TAF3: variants seen among roughly 807,000 people sequenced by gnomAD.
The protein encoded by TAF3 is TATA-box binding protein associated factor 3, also known as transcription initiation factor TFIID subunit 3.
A neutral mutation model predicts 80.6 loss-of-function variants in TAF3; 7 were observed. The ratio of observed to expected loss-of-function variants is 0.09; its 90% CI spans 0.05 to 0.16. The LOEUF (loss-of-function observed/expected upper bound fraction) is 0.16. Among genes scored for constraint, TAF3 ranks in the 10% least tolerant of loss-of-function variants. The probability of loss-of-function intolerance (pLI) is 1.00; values close to 1 mark genes in which losing one functional copy is unlikely to be tolerated. For synonymous variants in TAF3, 444 were observed against 446.1 expected (o/e 1.00, Z 0.06); for missense variants, 921 against 1,140.2 (o/e 0.81, Z 2.77).
chr10:7,961,754 G>A (rs1831501618), intron 2 of TAF3, among the ~76,000 whole-genome samples: 1 of 152,090 alleles, frequency 6.6e-6, no homozygotes, highest in Non-Finnish European at 1.5e-5. Flanking sequence ...CTGTGTCTAG[G>A]GATTGAGCTA....
chr10:7,860,800 CTTTCT>C (rs1564350080), intron 2 of TAF3, among the ~76,000 whole-genome samples: 16 of 147,664 alleles, frequency 1.1e-4, no homozygotes, highest in Non-Finnish European at 1.2e-4. Context: ...TTCTTTCTTT[CTTTCT>C]TTTTTTTTTT....
At chr10:7,838,366 T>TG (rs1554775942) in intron 2 of TAF3, among the ~76,000 whole-genome samples, 3 of 151,634 alleles carry the variant, frequency 2.0e-5, no homozygotes, top group South Asian at 2.1e-4. Flanking sequence ...TTTGTTTTTT[T>TG]TTGTTGTTGT....
chr10:7,906,434 T>C (rs540568775), intron 2 of TAF3, among the ~76,000 whole-genome samples: 149 of 152,272 alleles, frequency 9.8e-4, no homozygotes, highest in Admixed American at 2.2e-3. Flanking sequence ...TGCTGCTGCA[T>C]TGGGGAGGGG....
chr10:7,846,230 TACAGGCATGAGCCACTGCGCCCGGCCAA>T (rs1836971325), intron 2 of TAF3, among the ~76,000 whole-genome samples: 1 of 152,226 alleles, frequency 6.6e-6, no homozygotes, highest in Non-Finnish European at 1.5e-5. Flanking sequence ...GTGCTGGCAT[TACAGGCATGAGCCACTGCGCCCGGCCAA>T]AAGGATGAAG....
chr10:7,845,066 CA>C (rs1222092676), intron 2 of TAF3, among the ~76,000 whole-genome samples: 2 of 151,980 alleles, frequency 1.3e-5, no homozygotes, highest in Non-Finnish European at 2.9e-5. Context: ...CATTGATTTC[CA>C]AAAGAGTTGT....
At chr10:7,960,860 C>T (rs1392288635) in intron 2 of TAF3, among the ~76,000 whole-genome samples, 2 of 152,152 alleles carry the variant, frequency 1.3e-5, no homozygotes, top group African/African-American at 2.4e-5. Context: ...AATAGATAAC[C>T]CCAGGCATAA....
intron 5 of TAF3, among the ~76,000 whole-genome samples, chr10:8,011,236 A>G (rs914492254): frequency 1.3e-5 from 2 of 152,022 alleles, no homozygotes; most frequent in African/African-American, 4.8e-5. Flanking sequence ...ACTGTACAAT[A>G]TTACATTTCT....
At chr10:7,976,500 C>T (rs1485171922) in intron 3 of TAF3, among the ~76,000 whole-genome samples, 2 of 151,720 alleles carry the variant, frequency 1.3e-5, no homozygotes, top group African/African-American at 2.4e-5. Flanking sequence ...CTGTAAGCTC[C>T]GCCTCCCGGG....
intron 2 of TAF3, among the ~76,000 whole-genome samples, chr10:7,869,203 G>A (rs533253945): frequency 6.6e-6 from 1 of 152,194 alleles, no homozygotes; most frequent in Non-Finnish European, 1.5e-5. Flanking sequence ...AAAGAAAGAT[G>A]TCACATATAA....
chr10:7,911,740 G>A (rs756809749), intron 2 of TAF3, among the ~76,000 whole-genome samples: 5 of 152,256 alleles, frequency 3.3e-5, no homozygotes, highest in East Asian at 1.9e-4. Context: ...AAAATTTTAC[G>A]TAACAAATAA....
At chr10:7,849,800 C>T (rs992578928) in intron 2 of TAF3, among the ~76,000 whole-genome samples, 1 of 152,050 alleles carries the variant, frequency 6.6e-6, no homozygotes, top group East Asian at 1.9e-4. Context: ...CCACCTCAGC[C>T]TCCCAAGTAG....
chr10:7,905,133 T>C (rs1333550332), intron 2 of TAF3, among the ~76,000 whole-genome samples: 2 of 152,146 alleles, frequency 1.3e-5, no homozygotes, highest in African/African-American at 4.8e-5. Context: ...AATATGCAAA[T>C]AGAGTGTCCC....
chr10:7,853,745 C>T (rs950124022), intron 2 of TAF3, among the ~76,000 whole-genome samples: 4 of 152,114 alleles, frequency 2.6e-5, no homozygotes, highest in South Asian at 2.1e-4. Flanking sequence ...ACTACAATGG[C>T]GGAGATGAGA....
chr10:8,002,265 T>C (rs1490561531), intron 4 of TAF3, among the ~76,000 whole-genome samples: 2 of 152,202 alleles, frequency 1.3e-5, no homozygotes, highest in Admixed American at 1.3e-4. Flanking sequence ...TCTTCTCTTT[T>C]CTTTTTTTCT....
intron 2 of TAF3, among the ~76,000 whole-genome samples, chr10:7,825,465 A>G (rs1180581286): frequency 6.6e-6 from 1 of 152,152 alleles, no homozygotes; most frequent in East Asian, 1.9e-4. Flanking sequence ...AAATTGAAAC[A>G]CTGTTCCCAT....
At chr10:7,947,050 C>G (rs1838031754) in intron 2 of TAF3, among the ~76,000 whole-genome samples, 1 of 152,250 alleles carries the variant, frequency 6.6e-6, no homozygotes, top group South Asian at 2.1e-4. Flanking sequence ...GCATGAGCCA[C>G]CTCGCCTGGC....
intron 2 of TAF3, among the ~76,000 whole-genome samples, chr10:7,911,948 C>T (rs568523483): frequency 6.6e-5 from 10 of 152,198 alleles, no homozygotes; most frequent in African/African-American, 2.4e-4. Context: ...AGTTTAAAGC[C>T]CTTACTTTAA....
chr10:7,887,715 C>G lies in TAF3; in HGVS notation c.409+63155C>G, dbSNP rs540731578. On this transcript the variant is annotated intron_variant, in intron 2 of 6. Transcript: ENST00000344293. The stretch of plus-strand genomic sequence containing the variant: ...CAAACCTCAAGAAAAGGCTTCAATC[C>G]AAGCTAAAATCGGGGGGGATAAAGG... Among the ~76,000 whole-genome samples, 5 of 152,002 alleles carry G rather than the reference C, an allele frequency of 3.3e-5. No homozygotes were observed. In the South Asian group the frequency reaches 1.0e-3, roughly 32 times the overall value.
intron 2 of TAF3, among the ~76,000 whole-genome samples, chr10:7,859,298 AT>A (rs1837119454): frequency 6.8e-6 from 1 of 147,446 alleles, no homozygotes; most frequent in Non-Finnish European, 1.5e-5. Context: ...AAATAAATAA[AT>A]AAATAAATAA....
Sources: gnomAD v4.1 joint callset for allele counts (sites outside exome capture counted in the v4.1 genomes callset) on GRCh38, gnomAD v4.1.1 for gene constraint, MANE v1.5 for transcripts, NCBI Gene and HGNC (gene_info 2026-07-23, HGNC 2026-07-21) for gene names.